Variants in MZT2B observed in about 807,000 individuals in gnomAD.
MZT2B encodes mitotic-spindle organizing protein 2B.
In MZT2B, 11 loss-of-function variants were observed where a neutral mutation model predicts 12.1. The observed-to-expected ratio is 0.91, with a 90% CI of 0.57 to 1.50. The LOEUF (loss-of-function observed/expected upper bound fraction) is 1.50. MZT2B is among the 40% of genes most tolerant of loss of function. The pLI is 0.00. For synonymous variants in MZT2B, 85 were observed against 109.5 expected, an observed-to-expected ratio of 0.78 and a Z score of 1.40; for missense variants, 209 against 227.7, an observed-to-expected ratio of 0.92 and a Z score of 0.53.
intron 2 of MZT2B, among the ~76,000 whole-genome samples, chr2:130,189,331 C>T (rs1690175735): frequency 6.6e-6 from 1 of 152,146 alleles, no homozygotes; most frequent in Non-Finnish European, 1.5e-5. Flanking sequence ...TTCAGTGTTC[C>T]AGGCAACAAC....
rs762322582 is a variant in MZT2B, at chr2:130,182,438, C to T, written c.156C>T (p.Asp52=). 1.3e-6 allele frequency: 2 copies of T among 1,560,606 alleles called. No individual in the cohort carries two copies. Among genetic ancestry groups the T allele is most frequent in the Non-Finnish European group, 1.7e-6 (2 of 1,154,970 alleles). The change falls in exon 1 of 3, where the codon GAC becomes GAT. Residue 52 remains aspartate, a synonymous_variant. Transcript: ENST00000281871. ...ELAQAAGGAI[D]PDVFKILVDL... ...CGCAGGCGGCGGGCGGCGCTATCGA[C>T]CCCGACGTGTTCAAGTGAGCGGGGC...
At chr2:130,202,564 C>A in the MZT2B span, 1 of 880,540 alleles carries the variant, frequency 1.1e-6, no homozygotes, top group Non-Finnish European at 1.5e-6. Flanking sequence ...CTGCTGCAAG[C>A]AGGACAACAG....
downstream of MZT2B, chr2:130,195,179 A>C (rs764045244): frequency 3.1e-6 from 5 of 1,614,020 alleles, no homozygotes; most frequent in South Asian, 5.5e-5. Flanking sequence ...CCCGGTGATC[A>C]GCTGCTCTGG....
downstream of MZT2B, chr2:130,190,734 G>A (rs769800979): frequency 5.0e-6 from 7 of 1,387,612 alleles, no homozygotes; most frequent in Non-Finnish European, 6.6e-6. Context: ...GTCAGATGTT[G>A]TCTACCGTTT....
intron 2 of MZT2B, among the ~76,000 whole-genome samples, chr2:130,190,087 G>C (rs1690204231): frequency 6.6e-6 from 1 of 152,208 alleles, no homozygotes; most frequent in Non-Finnish European, 1.5e-5. Context: ...GCGCATCCCT[G>C]CTGCTGCCGC....
the MZT2B span, chr2:130,198,598 G>A: frequency 3.8e-5 from 18 of 472,304 alleles, 4 homozygotes; most frequent in Non-Finnish European, 4.9e-5. Flanking sequence ...CAGGATTGGC[G>A]GGAAGGCAGC....
chr2:130,190,426 G>A (rs555286402), intron 2 of MZT2B, 43 bp from the exon 3 acceptor site: 28 of 1,599,896 alleles, frequency 1.8e-5, no homozygotes, highest in African/African-American at 8.0e-5. Flanking sequence ...CTGCAGTTAC[G>A]GGGCACGCCC....
upstream of MZT2B, chr2:130,181,900 C>T (rs1689687983): frequency 6.8e-7 from 1 of 1,475,786 alleles, no homozygotes; most frequent in Admixed American, 2.1e-5. Context: ...CCTAGTGGTG[C>T]ACCGGTGCGG....
downstream of MZT2B, chr2:130,192,225 C>T (rs1313337555): frequency 8.8e-5 from 131 of 1,493,678 alleles, no homozygotes; most frequent in Non-Finnish European, 1.0e-4. Flanking sequence ...GTAGGTGACA[C>T]GGAGAATGCT....
At chr2:130,187,151 AT>A (rs1285112905) in intron 2 of MZT2B, among the ~76,000 whole-genome samples, 1 of 58,626 alleles carries the variant, frequency 1.7e-5, no homozygotes, top group Non-Finnish European at 4.0e-5. Flanking sequence ...GATATTTTAG[AT>A]TAAAGTATTT....
At chr2:130,190,892 A>T (rs1358965234), downstream of MZT2B, among the ~76,000 whole-genome samples, 1 of 152,006 alleles carries the variant, frequency 6.6e-6, no homozygotes, top group Non-Finnish European at 1.5e-5. Context: ...AGGCATCTGG[A>T]TTGCCAGGTC....
At chr2:130,181,873 C>G, upstream of MZT2B, 9 of 1,527,646 alleles carry the variant, frequency 5.9e-6, no homozygotes, top group Admixed American at 2.0e-5. Context: ...TCCCCCCGCC[C>G]GCCCCGAAAA....
intron 2 of MZT2B, among the ~76,000 whole-genome samples, chr2:130,189,835 G>A (rs948572764): frequency 5.9e-5 from 9 of 152,136 alleles, no homozygotes; most frequent in African/African-American, 2.2e-4. Context: ...GTGGTCAGAA[G>A]GAAAGTCTCA....
chr2:130,187,099 T>A (rs936328130), intron 2 of MZT2B, among the ~76,000 whole-genome samples: 3 of 151,858 alleles, frequency 2.0e-5, no homozygotes, highest in African/African-American at 7.3e-5. Context: ...CAACATCTTA[T>A]GAATAACTTA....
At chr2:130,190,993 A>G (rs1573768124), downstream of MZT2B, among the ~76,000 whole-genome samples, 1 of 152,082 alleles carries the variant, frequency 6.6e-6, no homozygotes, top group Non-Finnish European at 1.5e-5. Context: ...TCTGTCACCC[A>G]AGCTGGAGTG....
downstream of MZT2B, chr2:130,190,751 T>TTG: frequency 2.1e-6 from 3 of 1,402,184 alleles, no homozygotes; most frequent in South Asian, 1.8e-5. Flanking sequence ...GTTTTTTTTT[T>TTG]TTGTTTTTTT....
At chr2:130,189,400 G>A (rs1318158275) in intron 2 of MZT2B, among the ~76,000 whole-genome samples, 2 of 152,214 alleles carry the variant, frequency 1.3e-5, no homozygotes, top group Admixed American at 6.5e-5. Context: ...GAGCCTGCAG[G>A]GGGAACATGT....
At chr2:130,191,875 C>T (rs757852332), downstream of MZT2B, 9 of 1,613,836 alleles carry the variant, frequency 5.6e-6, no homozygotes, top group East Asian at 6.7e-5. Flanking sequence ...ACGGAATCCA[C>T]GCCCACCTCT....
At chr2:130,202,562 A>C in the MZT2B span, 11,967 of 921,098 alleles carry the variant, frequency 0.013, 763 homozygotes, top group African/African-American at 0.18. Flanking sequence ...CCCTGCTGCA[A>C]GCAGGACAAC....
Sources: allele counts gnomAD v4.1 joint callset (sites outside exome capture counted in the v4.1 genomes callset), GRCh38; gene constraint gnomAD v4.1.1; transcripts MANE v1.5; gene names NCBI Gene and HGNC (gene_info 2026-07-23, HGNC 2026-07-21).